Variants in ZNF362 observed in about 807,000 individuals in gnomAD.
The protein encoded by ZNF362 is rotund homolog.
In ZNF362, 11 loss-of-function variants were observed where a neutral mutation model predicts 42.9. That is an observed-to-expected ratio of 0.26 (90% CI 0.16 to 0.42). The LOEUF is 0.42. Among genes scored for constraint, ZNF362 ranks in the 20% least tolerant of loss-of-function variants. ZNF362 has a pLI of 1.00. For missense variants in ZNF362, 362 were observed against 576.2 expected, an observed-to-expected ratio of 0.63 and a Z score of 3.81; for synonymous variants, 255 against 257.3, an observed-to-expected ratio of 0.99 and a Z score of 0.09.
chr1:33,267,964 CCCA>C (rs1175548455), intron 1 of ZNF362, among the ~76,000 whole-genome samples: 1 of 152,238 alleles, frequency 6.6e-6, no homozygotes, highest in African/African-American at 2.4e-5. Context: ...AGTTTACACT[CCCA>C]CCAATAATAC....
At chr1:33,232,748 A>G in the ZNF362 span, among the ~76,000 whole-genome samples, 1 of 151,790 alleles carries the variant, frequency 6.6e-6, no homozygotes, top group Admixed American at 6.6e-5. Flanking sequence ...TGAGAAAATG[A>G]CCTCCTTATG....
At position 33,295,189 on chromosome 1, in the gene ZNF362, C is replaced by T; in HGVS notation, c.1030C>T (p.Pro344Ser). 6.2e-7 allele frequency: 1 copy of T among 1,614,218 alleles called. No homozygotes were observed. The highest frequency in any genetic ancestry group is 8.5e-7 in the Non-Finnish European group (1 of 1,180,042). The change falls in exon 8 of 9, where the codon CCC (proline) becomes TCC (serine). Residue 344 changes from proline to serine, a missense_variant. Physicochemically the swap from Pro to Ser is moderately conservative, Grantham distance 74. This residue lies in a region of ZNF362 where 68 missense variants were observed against 107.4 expected (regional missense o/e 0.63). Transcript: ENST00000539719. ...CAACAAGGACAAGCCCTACAAGTGTCCCAACTGCTACCGGGCCTATTCGGA... is the reference window on the plus strand; with the variant it reads ...CAACAAGGACAAGCCCTACAAGTGTTCCAACTGCTACCGGGCCTATTCGGA... ...QHNKDKPYKCPNCYRAYSDSA... is the reference protein window; with the variant it reads ...QHNKDKPYKCSNCYRAYSDSA...
upstream of ZNF362, among the ~76,000 whole-genome samples, chr1:33,254,159 T>C (rs1645773430): frequency 6.6e-6 from 1 of 151,654 alleles, no homozygotes; most frequent in South Asian, 2.1e-4. Flanking sequence ...AGAGTTTCAC[T>C]CTTGTTGCCC....
the ZNF362 span, among the ~76,000 whole-genome samples, chr1:33,233,645 C>T: frequency 6.6e-6 from 1 of 152,190 alleles, no homozygotes. Context: ...CTGAAATGAT[C>T]AGCCTGCCTC....
At chr1:33,263,237 G>A (rs1645841196) in intron 1 of ZNF362, among the ~76,000 whole-genome samples, 1 of 152,164 alleles carries the variant, frequency 6.6e-6, no homozygotes, top group Non-Finnish European at 1.5e-5. Flanking sequence ...ACTGGAAATG[G>A]TGGAGCCGGC....
chr1:33,159,777 C>T, the ZNF362 span: 1 of 1,613,694 alleles, frequency 6.2e-7, no homozygotes, highest in Non-Finnish European at 8.5e-7. The surrounding 1 kb of genome is among the most constrained non-coding windows in gnomAD (Gnocchi z 4.2). Flanking sequence ...CCTCCTGGAC[C>T]TTGCGCAGCT....
At chr1:33,234,655 G>T in the ZNF362 span, among the ~76,000 whole-genome samples, 1 of 152,116 alleles carries the variant, frequency 6.6e-6, no homozygotes, top group Non-Finnish European at 1.5e-5. Context: ...GGAACAGGGA[G>T]GTCTAGGACC....
At chr1:33,265,136 T>C (rs1370787114) in intron 1 of ZNF362, among the ~76,000 whole-genome samples, 1 of 150,576 alleles carries the variant, frequency 6.6e-6, no homozygotes, top group Admixed American at 6.6e-5. Flanking sequence ...GAGCTGGGGG[T>C]CCCCAGGAGA....
At chr1:33,257,102 A>G (rs1258667111) in intron 1 of ZNF362, among the ~76,000 whole-genome samples, 2 of 151,706 alleles carry the variant, frequency 1.3e-5, no homozygotes, top group Non-Finnish European at 2.9e-5. Flanking sequence ...CTTTTTTTGC[A>G]GATCTGCAGA....
the ZNF362 span, among the ~76,000 whole-genome samples, chr1:33,239,259 G>A: frequency 6.6e-6 from 1 of 152,108 alleles, no homozygotes; most frequent in Non-Finnish European, 1.5e-5. Flanking sequence ...GCTGTCTCCT[G>A]TTCCAATGTT....
chr1:33,154,998 C>T, the ZNF362 span, among the ~76,000 whole-genome samples: 12 of 148,430 alleles, frequency 8.1e-5, no homozygotes, highest in Admixed American at 4.7e-4. Flanking sequence ...GAGGCTGAGG[C>T]GGGAGAATGG....
chr1:33,292,986 G>A (rs1231722824), intron 6 of ZNF362, among the ~76,000 whole-genome samples: 3 of 152,234 alleles, frequency 2.0e-5, no homozygotes, highest in Non-Finnish European at 4.4e-5. Context: ...TGGCACAGCT[G>A]TTGTGGAAGG....
chr1:33,236,572 T>TATATATAC, the ZNF362 span, among the ~76,000 whole-genome samples: 3 of 98,704 alleles, frequency 3.0e-5, 1 homozygote, highest in Non-Finnish European at 4.0e-5. Context: ...TATATATATA[T>TATATATAC]ACATACACAC....
In ZNF362 at chr1:33,299,418, T is replaced by C. The variant is rs1475941396; in HGVS notation, c.*372T>C. On this transcript the variant is annotated 3_prime_UTR_variant, in exon 9 of 9. Coordinates refer to ENST00000539719, the MANE Select transcript of ZNF362 (RefSeq NM_152493.3). Reference sequence around the variant, plus strand: ...TTATTGGCCAGGAAGTTGGTGCTGCTAAGACCGAGAAATTTAAAGAATCGG... The same window carrying C: ...TTATTGGCCAGGAAGTTGGTGCTGCCAAGACCGAGAAATTTAAAGAATCGG... 5.8e-6 allele frequency: 1 copy of C among 173,514 alleles called. No individual in the cohort carries two copies. The highest frequency in any genetic ancestry group is 1.2e-5 in the Non-Finnish European group (1 of 80,510). The allele number at this position is 173,514 out of a possible 1,614,324, so 10.7% of individuals were successfully genotyped here. A position where few individuals can be genotyped will look rare whatever the true frequency, so the allele number is the denominator to read the frequency against.
At chr1:33,189,694 TATACAC>T in the ZNF362 span, among the ~76,000 whole-genome samples, 3 of 11,074 alleles carry the variant, frequency 2.7e-4, no homozygotes, top group East Asian at 1.9e-3. Context: ...CGTATATATA[TATACAC>T]ATATATACGT....
intron 6 of ZNF362, among the ~76,000 whole-genome samples, chr1:33,284,954 T>G (rs958987583): frequency 6.6e-6 from 1 of 152,180 alleles, no homozygotes; most frequent in African/African-American, 2.4e-5. Flanking sequence ...CATTTGTCTT[T>G]TCTAGCTCAA....
chr1:33,198,102 T>C, the ZNF362 span, among the ~76,000 whole-genome samples: 1 of 152,192 alleles, frequency 6.6e-6, no homozygotes, highest in Non-Finnish European at 1.5e-5. Flanking sequence ...AGAATATTTA[T>C]AGGCATATAA....
the ZNF362 span, among the ~76,000 whole-genome samples, chr1:33,189,852 T>C: frequency 6.6e-6 from 1 of 151,352 alleles, no homozygotes. Context: ...CTAATCCCAA[T>C]TAAGTATTCA....
intron 6 of ZNF362, among the ~76,000 whole-genome samples, chr1:33,285,242 C>T (rs1231755870): frequency 6.6e-6 from 1 of 151,878 alleles, no homozygotes; most frequent in Admixed American, 6.6e-5. Context: ...GGTCAAACTC[C>T]GTCTCTACTA....
Sources: allele counts gnomAD v4.1 joint callset (sites outside exome capture counted in the v4.1 genomes callset), GRCh38; gene constraint gnomAD v4.1.1; regional missense constraint gnomAD v4.1.1; non-coding constraint Gnocchi (gnomAD v3.1); transcripts MANE v1.5; gene names NCBI Gene and HGNC (gene_info 2026-07-23, HGNC 2026-07-21).